Variants in RASA2 observed in about 807,000 individuals in gnomAD.
RASA2 encodes ras GTPase-activating protein 2.
A neutral mutation model predicts 118.2 loss-of-function variants in RASA2; 155 were observed. That is an observed-to-expected ratio of 1.31 (90% CI 1.15 to 1.50). RASA2 has a LOEUF of 1.50. Among genes scored for constraint, RASA2 ranks in the 40% most tolerant of loss-of-function variants. The pLI, the probability that RASA2 is intolerant of heterozygous loss-of-function variation, is 0.00. For missense variants in RASA2, 1,016 were observed against 1,009.6 expected (o/e 1.01, Z -0.09); for synonymous variants, 353 against 349.1 (o/e 1.01, Z -0.12).
intron 17 of RASA2, among the ~76,000 whole-genome samples, chr3:141,584,415 C>G (rs1222490756): frequency 6.6e-6 from 1 of 151,362 alleles, no homozygotes; most frequent in Non-Finnish European, 1.5e-5. Context: ...AAGAGACAGC[C>G]AAATACTAAA....
At chr3:141,556,913 A>G (rs1422365059) in intron 7 of RASA2, among the ~76,000 whole-genome samples, 1 of 152,146 alleles carries the variant, frequency 6.6e-6, no homozygotes, top group Non-Finnish European at 1.5e-5. Context: ...AAAACAAAAG[A>G]AAAAGTACCA....
intron 7 of RASA2, 25 bp from the exon 8 acceptor site, chr3:141,558,861 T>G: frequency 1.3e-6 from 2 of 1,528,456 alleles, no homozygotes; most frequent in Non-Finnish European, 1.8e-6. Context: ...TAAAAAAAAT[T>G]TTTACTAAAA....
chr3:141,571,374 T>G (rs772206574), intron 10 of RASA2, 32 bp from the exon 11 acceptor site: 1 of 1,598,376 alleles, frequency 6.3e-7, no homozygotes, highest in Non-Finnish European at 8.5e-7. Flanking sequence ...TTCCTTGATG[T>G]TTGTGCTTGT....
Position 141,571,018 on chromosome 3 carries a change from G to T in RASA2, c.970G>T (p.Glu324Ter). The change falls in exon 10 of 24, where the codon GAG becomes TAG. Residue 324 changes from glutamate (E) to a stop codon, truncating the protein, a stop_gained. Coordinates refer to ENST00000286364, the MANE Select transcript of RASA2 (RefSeq NM_006506.5). LOFTEE classifies it high-confidence loss of function. ...CYTEDYVLPS[E>*]YYGPLKTLLL... ...TACAGAAGACTACGTGCTTCCTTCA[G>T]AGTACTATGGTCCTTTGAAAACTTT... 6.2e-7 allele frequency: 1 copy of T among 1,611,212 alleles called. No homozygotes were observed. The highest frequency in any genetic ancestry group is 8.5e-7 in the Non-Finnish European group (1 of 1,178,980).
At chr3:141,549,338 C>G (rs1399495353) in intron 5 of RASA2, among the ~76,000 whole-genome samples, 3 of 152,152 alleles carry the variant, frequency 2.0e-5, no homozygotes, top group Non-Finnish European at 4.4e-5. Flanking sequence ...TCTAGTATCT[C>G]TGTCCTAAAA....
Position 141,516,347 on chromosome 3 carries a change from T to C in RASA2, c.271T>C (p.Phe91Leu). 1 of 1,563,904 alleles carries C rather than the reference T, an allele frequency of 6.4e-7. No homozygotes were observed. Among genetic ancestry groups the C allele is most frequent in the Non-Finnish European group, 8.6e-7 (1 of 1,156,832 alleles). Residue 91 changes from phenylalanine to leucine, a missense_variant, in exon 3 of 24, where the codon TTT (phenylalanine) becomes CTT (leucine). Around this residue, in one of 2 missense-constraint regions of RASA2, gnomAD observed 896 missense variants for 836.4 expected, o/e 1.07. Transcript: ENST00000286364. ...TTCTAGCCCATTTTTCAGTGAAGAA[T>C]TTTACTTTGAGATTCCAAGAACTTT... ...KSLSPFFSEE[F>L]YFEIPRTFQY... is the part of the protein sequence containing the mutation.
chr3:141,580,762 C>T (rs1333806774), intron 16 of RASA2, among the ~76,000 whole-genome samples: 1 of 151,430 alleles, frequency 6.6e-6, no homozygotes, highest in Non-Finnish European at 1.5e-5. Context: ...CACTGCACTC[C>T]AGTCCCAGCA....
chr3:141,534,380 GA>G (rs891839481), intron 4 of RASA2, among the ~76,000 whole-genome samples: 8 of 152,130 alleles, frequency 5.3e-5, no homozygotes, highest in African/African-American at 7.2e-5. Context: ...ATAGGGGGGG[GA>G]AAAAGAGTGA....
At chr3:141,599,378 C>T (rs2083428268) in intron 19 of RASA2, among the ~76,000 whole-genome samples, 1 of 151,686 alleles carries the variant, frequency 6.6e-6, no homozygotes, top group South Asian at 2.1e-4. Context: ...TGTTCCAACT[C>T]TAACAATCAC....
intron 3 of RASA2, among the ~76,000 whole-genome samples, chr3:141,523,165 G>C (rs886837619): frequency 6.6e-6 from 1 of 150,490 alleles, no homozygotes; most frequent in Non-Finnish European, 1.5e-5. Flanking sequence ...GACTTGCCCT[G>C]TTGTCCAGGC....
chr3:141,498,229 CAG>C (rs1192218329), intron 1 of RASA2, among the ~76,000 whole-genome samples: 1 of 152,134 alleles, frequency 6.6e-6, no homozygotes. Context: ...AAGCAACAGA[CAG>C]AGGTTATTTG....
Position 141,571,410 on chromosome 3 carries a change from T to C in RASA2, c.1025T>C (p.Ile342Thr). ...LLLKSPDVQPISASAAYILSE... is the reference protein window; with the variant it reads ...LLLKSPDVQPTSASAAYILSE... ...TTTCTACCTTTCTGTATTTAGCCAA[T>C]ATCTGCCTCAGCTGCTTACATTTTG... The change falls in exon 11 of 24, where the codon ATA becomes ACA. Residue 342 changes from isoleucine to threonine, a missense_variant. This residue lies in a region of RASA2 where 896 missense variants were observed against 836.4 expected (regional missense o/e 1.07). Transcript: ENST00000286364. 6.2e-7 allele frequency: 1 copy of C among 1,611,956 alleles called. No individual in the cohort carries two copies. Among genetic ancestry groups the C allele is most frequent in the East Asian group, 2.2e-5 (1 of 44,804 alleles).
chr3:141,541,922 A>G (rs537030097), intron 5 of RASA2, among the ~76,000 whole-genome samples: 3 of 152,044 alleles, frequency 2.0e-5, no homozygotes, highest in African/African-American at 7.2e-5. Context: ...CTGAGAGCAT[A>G]TGGTGAAAGT....
chr3:141,586,882 T>C (rs1469001675), intron 19 of RASA2, 130 bp downstream of exon 19: 1 of 760,698 alleles, frequency 1.3e-6, no homozygotes, highest in East Asian at 2.7e-5. Context: ...CACTGATACA[T>C]ACGTACTAAG....
chr3:141,487,247 T>C (rs2081588625), intron 1 of RASA2, 31 bp downstream of exon 1: 3 of 1,285,334 alleles, frequency 2.3e-6, no homozygotes, highest in Admixed American at 7.3e-5. Flanking sequence ...GGGGACGCCC[T>C]GGCGGCGCTG....
intron 19 of RASA2, among the ~76,000 whole-genome samples, chr3:141,592,868 C>A (rs2083308336): frequency 6.7e-6 from 1 of 149,144 alleles, no homozygotes; most frequent in African/African-American, 2.5e-5. Context: ...CAGTATAAAA[C>A]TGAACTTGAA....
chr3:141,606,114 C>T (rs1176526006), intron 19 of RASA2, among the ~76,000 whole-genome samples: 1 of 152,138 alleles, frequency 6.6e-6, no homozygotes, highest in Non-Finnish European at 1.5e-5. Context: ...TGTCTGAGTG[C>T]CCCCAACCTT....
chr3:141,515,288 T>C (rs1457518295), intron 2 of RASA2, among the ~76,000 whole-genome samples: 1 of 152,186 alleles, frequency 6.6e-6, no homozygotes, highest in Non-Finnish European at 1.5e-5. Context: ...TCACATAACA[T>C]TGGCTGTTTT....
rs76363007 is a variant in RASA2 at position 141,551,613 on chromosome 3, A to G, written c.528-2244A>G. ...TTTGCCTCTTCTTCTCAGAGAAACC[A>G]TTTAGCTGTAAGCTGGGGCAGTTGG... is the stretch of plus-strand genomic sequence containing the variant. On this transcript the variant is annotated intron_variant, in intron 5 of 23. Transcript: ENST00000286364. Among the ~76,000 whole-genome samples the G allele has an allele frequency of 2.1e-3, 316 of 152,274 alleles. 7 individuals are homozygous for G. The East Asian group carries it at 0.04, about 19-fold the overall frequency.
Sources: gnomAD v4.1 joint callset for allele counts (sites outside exome capture counted in the v4.1 genomes callset) on GRCh38, gnomAD v4.1.1 for gene constraint, gnomAD v4.1.1 regional missense constraint, MANE v1.5 for transcripts, NCBI Gene and HGNC (gene_info 2026-07-23, HGNC 2026-07-21) for gene names.